RSRP1: variants seen among roughly 807,000 people sequenced by gnomAD.
The protein encoded by RSRP1 is arginine/serine-rich protein 1.
Under a neutral mutation model 33.0 loss-of-function variants are expected in RSRP1, and 37 were observed. The observed-to-expected ratio is 1.12, with a 90% CI of 0.86 to 1.48. The LOEUF (loss-of-function observed/expected upper bound fraction) is 1.48, where lower values mean the gene tolerates loss of function less well. RSRP1 is among the 40% of genes most tolerant of loss of function. RSRP1 has a pLI of 0.00. For missense variants in RSRP1, 402 were observed against 385.3 expected (o/e 1.04, Z -0.36); for synonymous variants, 167 against 158.7 (o/e 1.05, Z -0.40).
At chr1:25,306,541 G>A in intron 1 of RSRP1, 1 of 1,354,488 alleles carries the variant, frequency 7.4e-7, no homozygotes, top group South Asian at 1.2e-5. Flanking sequence ...GAAAGGGGTG[G>A]GTAGGGAATA....
chr1:25,252,266 G>A (rs115154254), upstream of RSRP1, among the ~76,000 whole-genome samples: 1 of 151,938 alleles, frequency 6.6e-6, no homozygotes, highest in African/African-American at 2.4e-5. Flanking sequence ...TCTGTGTGGG[G>A]AGTGCACAGG....
intron 3 of RSRP1, chr1:25,244,227 G>A (rs750776425): frequency 7.8e-7 from 1 of 1,289,082 alleles, no homozygotes; most frequent in Non-Finnish European, 1.0e-6. Context: ...CAAAACATCT[G>A]GAATATATTG....
chr1:25,263,954 C>T (rs943112098), intron 1 of RSRP1, among the ~76,000 whole-genome samples: 28 of 152,040 alleles, frequency 1.8e-4, no homozygotes, highest in African/African-American at 6.8e-4. Flanking sequence ...TCCAGTGGGG[C>T]AGTCAAATCT....
rs531679528 is a variant in RSRP1, at chr1:25,268,525, C to A, written c.-66-21496G>T. On this transcript the variant is annotated intron_variant, in intron 1 of 1. Transcript: ENST00000561867. ...CAGAGTACTCCGTCTAAAAAAAAAA[C>A]CTAAATACACAAGTAAAAATATAGA... Among the ~76,000 whole-genome samples, 3 of 130,408 alleles carry A rather than the reference C, an allele frequency of 2.3e-5. 1 individual carries two copies. Among genetic ancestry groups the A allele is most frequent in the Admixed American group, 2.2e-4 (3 of 13,426 alleles). The allele number at this position is 130,408 out of a possible 152,430, so 85.6% of individuals were successfully genotyped here. A position where few individuals can be genotyped will look rare whatever the true frequency, so the allele number is the denominator to read the frequency against.
intron 1 of RSRP1, among the ~76,000 whole-genome samples, chr1:25,302,546 G>A (rs535234667): frequency 7.7e-6 from 1 of 129,992 alleles, no homozygotes; most frequent in Non-Finnish European, 1.8e-5. Context: ...GGGAAGCCCA[G>A]AGGCTAATCC....
Position 25,322,401 on chromosome 1 carries a change from G to A in RSRP1, c.-67+15577C>T, listed in dbSNP as rs1162801480. Among the ~76,000 whole-genome samples the A allele has an allele frequency of 9.8e-5, 13 of 133,270 alleles. 5 individuals are homozygous for A. Among genetic ancestry groups the A allele is most frequent in the African/African-American group, 2.5e-4 (10 of 39,248 alleles). The allele number at this position is 133,270 out of a possible 152,430, so 87.4% of individuals were successfully genotyped here. A position where few individuals can be genotyped will look rare whatever the true frequency, so the allele number is the denominator to read the frequency against. On this transcript the variant is annotated intron_variant, in intron 1 of 1. Transcript: ENST00000561867. The stretch of plus-strand genomic sequence containing the variant: ...CAAGATCTTACAACTGGCTGGGCAC[G>A]GTGGCTCACGCCTGTGATCCCAGCA...
chr1:25,276,517 A>AC lies in RSRP1; in HGVS notation c.-66-29489dup, dbSNP rs59535574. ...AGACGAGCCTAGGAAACATAGGGAG[A>AC]CCCCCCCCCATCTCTAAAAAAAAAA... On this transcript the variant is annotated intron_variant, in intron 1 of 1. Transcript: ENST00000561867. Among the ~76,000 whole-genome samples, 787 of 91,604 alleles carry AC rather than the reference A, an allele frequency of 8.6e-3. 37 individuals are homozygous for AC. Among genetic ancestry groups the AC allele is most frequent in the African/African-American group, 0.032 (753 of 23,202 alleles). 60.1% of individuals were successfully genotyped at this position (91,604 alleles called of 152,430 possible). A position where few individuals can be genotyped will look rare whatever the true frequency, so the allele number is the denominator to read the frequency against.
intron 1 of RSRP1, among the ~76,000 whole-genome samples, chr1:25,273,296 T>C (rs1640649286): frequency 8.5e-6 from 1 of 117,834 alleles, no homozygotes; most frequent in Admixed American, 8.3e-5. Flanking sequence ...CCACCATGCC[T>C]GGCTAATTTT....
intron 1 of RSRP1, among the ~76,000 whole-genome samples, chr1:25,270,433 C>T (rs1275230127): frequency 7.6e-6 from 1 of 131,076 alleles, no homozygotes; most frequent in African/African-American, 2.6e-5. Flanking sequence ...ATTAGATTCT[C>T]ATAGGGGCAC....
rs1309023913 is a variant in RSRP1 at position 25,289,642 on chromosome 1, T to C, written c.-66-42613A>G. ...GGGAGGAGGGAGTCTCAGAGCAAGC[T>C]GCTCAGGGGAGACTGGATGTCCATG... On this transcript the variant is annotated intron_variant, in intron 1 of 1. Coordinates refer to the RSRP1 transcript ENST00000561867. Among the ~76,000 whole-genome samples the C allele has an allele frequency of 1.6e-5, 2 of 124,834 alleles. 1 individual carries two copies. The highest frequency in any genetic ancestry group is 3.8e-5 in the Non-Finnish European group (2 of 52,848). 81.9% of individuals were successfully genotyped at this position (124,834 alleles called of 152,430 possible). A position where few individuals can be genotyped will look rare whatever the true frequency, so the allele number is the denominator to read the frequency against.
intron 1 of RSRP1, among the ~76,000 whole-genome samples, chr1:25,319,655 C>A (rs1644591311): frequency 1.5e-5 from 2 of 132,048 alleles, no homozygotes; most frequent in African/African-American, 5.2e-5. Context: ...GGAAAAAGTT[C>A]CTCAAGCAGC....
Position 25,286,963 on chromosome 1 carries a change from G to C in RSRP1, c.-66-39934C>G, listed in dbSNP as rs1642072784. Among the ~76,000 whole-genome samples, 2 of 133,350 alleles carry C rather than the reference G, an allele frequency of 1.5e-5. 1 individual carries two copies. Among genetic ancestry groups the C allele is most frequent in the African/African-American group, 5.2e-5 (2 of 38,214 alleles). 87.5% of individuals were successfully genotyped at this position (133,350 alleles called of 152,430 possible). A position where few individuals can be genotyped will look rare whatever the true frequency, so the allele number is the denominator to read the frequency against. ...CAAAAATTAGCTGGGTGTGGCGGCAGGCACCTGTAATCCCAGCTACTTGGG... is the reference window on the plus strand; with the variant it reads ...CAAAAATTAGCTGGGTGTGGCGGCACGCACCTGTAATCCCAGCTACTTGGG... On this transcript the variant is annotated intron_variant, in intron 1 of 1. Coordinates refer to the RSRP1 transcript ENST00000561867.
intron 1 of RSRP1, among the ~76,000 whole-genome samples, chr1:25,275,662 A>G (rs1188143829): frequency 7.5e-6 from 1 of 133,538 alleles, no homozygotes; most frequent in African/African-American, 2.6e-5. Flanking sequence ...AGGAAAATTG[A>G]AAGAGATCAA....
intron 1 of RSRP1, among the ~76,000 whole-genome samples, chr1:25,295,607 C>T (rs1237549224): frequency 7.6e-5 from 8 of 105,154 alleles, no homozygotes; most frequent in Admixed American, 2.0e-4. Context: ...AGAAGTGTAA[C>T]GCAGGGAAAG....
At chr1:25,319,720 C>T (rs190721608) in intron 1 of RSRP1, among the ~76,000 whole-genome samples, 1 of 132,078 alleles carries the variant, frequency 7.6e-6, no homozygotes, top group Non-Finnish European at 1.8e-5. Flanking sequence ...GTTAATTGAG[C>T]CCTCTATGGG....
chr1:25,242,439 T>C lies in RSRP1; in HGVS notation c.*150A>G, dbSNP rs1638910478. 5.3e-6 allele frequency: 3 copies of C among 561,798 alleles called. No homozygotes were observed. The highest frequency in any genetic ancestry group is 5.4e-5 in the East Asian group (2 of 36,892). The allele number at this position is 561,798 out of a possible 1,614,324, so 34.8% of individuals were successfully genotyped here. A position where few individuals can be genotyped will look rare whatever the true frequency, so the allele number is the denominator to read the frequency against. On this transcript the variant is annotated 3_prime_UTR_variant, in exon 5 of 5. Transcript: ENST00000243189. ...CTGCAAGAGAAACCTAAAATGTTAA[T>C]ATTTGAGTGTTAAGTATTTACATCT...
rs562163153 is a variant in RSRP1, at chr1:25,282,423, C to T, written c.-66-35394G>A. ...AATTTTTTTGTAATTTTAGTAGAGA[C>T]GGGGTTTCACCATGTTGGCCAGGCT... On this transcript the variant is annotated intron_variant, in intron 1 of 1. Coordinates refer to the RSRP1 transcript ENST00000561867. 1.8e-4 allele frequency among the ~76,000 whole-genome samples: 24 copies of T among 130,392 alleles called. 1 individual carries two copies. The highest frequency in any genetic ancestry group is 6.0e-4 in the African/African-American group (23 of 38,344). 85.5% of individuals were successfully genotyped at this position (130,392 alleles called of 152,430 possible).
rs1382702092 is a variant in RSRP1 at position 25,268,724 on chromosome 1, G to A, written c.-66-21695C>T. ...GCACTTTGGGAGGTTGAGGTGGGTGGATCACTTGAGGTCAGGAGTTCAAGA... is the reference window on the plus strand; with the variant it reads ...GCACTTTGGGAGGTTGAGGTGGGTGAATCACTTGAGGTCAGGAGTTCAAGA... On this transcript the variant is annotated intron_variant, in intron 1 of 1. Coordinates refer to the RSRP1 transcript ENST00000561867. Among the ~76,000 whole-genome samples, 4 of 127,542 alleles carry A rather than the reference G, an allele frequency of 3.1e-5. 1 individual carries two copies. Among genetic ancestry groups the A allele is most frequent in the Non-Finnish European group, 7.4e-5 (4 of 53,828 alleles). 83.7% of individuals were successfully genotyped at this position (127,542 alleles called of 152,430 possible). A position where few individuals can be genotyped will look rare whatever the true frequency, so the allele number is the denominator to read the frequency against.
chr1:25,313,772 A>G lies in RSRP1; in HGVS notation c.-67+24206T>C, dbSNP rs774274033. Reference sequence around the variant, plus strand: ...ACTAATGGGCAGGAAGTGAAAACACATATGTTAGAATTTGTAGCTGAGGGG... The same window carrying G: ...ACTAATGGGCAGGAAGTGAAAACACGTATGTTAGAATTTGTAGCTGAGGGG... On this transcript the variant is annotated intron_variant, in intron 1 of 1. Coordinates refer to the RSRP1 transcript ENST00000561867. Among the ~76,000 whole-genome samples, 3 of 132,402 alleles carry G rather than the reference A, an allele frequency of 2.3e-5. 1 individual carries two copies. The highest frequency in any genetic ancestry group is 5.4e-5 in the Non-Finnish European group (3 of 55,876). The allele number at this position is 132,402 out of a possible 152,430, so 86.9% of individuals were successfully genotyped here.
Sources: gnomAD v4.1 joint callset for allele counts (sites outside exome capture counted in the v4.1 genomes callset) on GRCh38, gnomAD v4.1.1 for gene constraint, MANE v1.5 for transcripts, NCBI Gene and HGNC (gene_info 2026-07-23, HGNC 2026-07-21) for gene names.